Variants in EYS observed in about 807,000 individuals in gnomAD.
EYS encodes EGF-like photoreceptor maintenance factor.
EYS carries 250 observed loss-of-function variants against 282.1 expected under a neutral mutation model. That is an observed-to-expected ratio of 0.89 (90% CI 0.80 to 0.98). The LOEUF (loss-of-function observed/expected upper bound fraction) is 0.98, where lower values mean the gene tolerates loss of function less well. Among genes scored for constraint, EYS ranks in the 50% least tolerant of loss-of-function variants. The pLI, the probability that EYS is intolerant of heterozygous loss-of-function variation, is 0.00. For synonymous variants in EYS, 1,355 were observed against 1,282.9 expected, an observed-to-expected ratio of 1.06 and a Z score of -1.20; for missense variants, 4,016 against 3,709.0, an observed-to-expected ratio of 1.08 and a Z score of -2.15.
chr6:64,371,883 C>T (rs116130948), intron 29 of EYS, among the ~76,000 whole-genome samples: 5 of 152,022 alleles, frequency 3.3e-5, no homozygotes, highest in Non-Finnish European at 5.9e-5. Context: ...TTCTCCATCC[C>T]TTTTATTTCA....
intron 31 of EYS, among the ~76,000 whole-genome samples, chr6:64,110,426 C>A (rs1773168681): frequency 6.6e-6 from 1 of 151,648 alleles, no homozygotes; most frequent in South Asian, 2.1e-4. Flanking sequence ...TGGTGGATGA[C>A]TCTGTGTGTG....
chr6:65,365,951 A>C lies in EYS; in HGVS notation c.1300-12334T>G, dbSNP rs114812666. On this transcript the variant is annotated intron_variant, in intron 8 of 42. Coordinates refer to ENST00000503581, the MANE Select transcript of EYS (RefSeq NM_001142800.2). ...GTACAAGGTGAAAACATGACTTTGC[A>C]ATTGTTATAGATAACATAAGAATCA... 4.5e-3 allele frequency among the ~76,000 whole-genome samples: 683 copies of C among 151,838 alleles called. 5 individuals are homozygous for C. The highest frequency in any genetic ancestry group is 0.01 in the South Asian group (49 of 4,820).
At chr6:64,952,974 T>C (rs1769564446) in intron 14 of EYS, among the ~76,000 whole-genome samples, 1 of 151,950 alleles carries the variant, frequency 6.6e-6, no homozygotes, top group Admixed American at 6.6e-5. Context: ...TCATTGGTAC[T>C]AATATAGTCA....
chr6:64,702,480 C>G (rs943567841), intron 22 of EYS, among the ~76,000 whole-genome samples: 2 of 151,906 alleles, frequency 1.3e-5, no homozygotes, highest in Non-Finnish European at 2.9e-5. Context: ...CATAAATTGA[C>G]AAATTTATGT....
chr6:65,102,325 A>G (rs1030233748), intron 12 of EYS, among the ~76,000 whole-genome samples: 5 of 151,384 alleles, frequency 3.3e-5, no homozygotes, highest in African/African-American at 7.3e-5. Context: ...ACTCATTTTT[A>G]ACACAGCATT....
At chr6:64,757,977 T>G (rs1408353398) in intron 22 of EYS, among the ~76,000 whole-genome samples, 2 of 152,102 alleles carry the variant, frequency 1.3e-5, no homozygotes, top group Non-Finnish European at 2.9e-5. Flanking sequence ...GGTTTCACCG[T>G]GTTAGTCAGG....
chr6:65,105,380 T>C (rs772911923), intron 12 of EYS, among the ~76,000 whole-genome samples: 1 of 151,732 alleles, frequency 6.6e-6, no homozygotes, highest in Non-Finnish European at 1.5e-5. Flanking sequence ...CAATCTATAA[T>C]CATAATGTAG....
intron 12 of EYS, among the ~76,000 whole-genome samples, chr6:65,269,828 G>A (rs1229713434): frequency 6.6e-6 from 1 of 152,018 alleles, no homozygotes; most frequent in African/African-American, 2.4e-5. Flanking sequence ...TAATCATGAG[G>A]GTGGAGTCTT....
At chr6:64,502,382 C>G (rs778424644) in intron 26 of EYS, among the ~76,000 whole-genome samples, 3 of 151,890 alleles carry the variant, frequency 2.0e-5, no homozygotes, top group African/African-American at 7.3e-5. Context: ...CTAGGACTCC[C>G]GGCTAATTTT....
chr6:64,558,233 G>A (rs2149809940), intron 26 of EYS, among the ~76,000 whole-genome samples: 1 of 151,658 alleles, frequency 6.6e-6, no homozygotes, highest in South Asian at 2.1e-4. Context: ...TTTTAATCAT[G>A]AGCATTCTGC....
rs1053087122 is a variant in EYS at position 65,315,483 on chromosome 6, C to A, written c.1767-19364G>T. On this transcript the variant is annotated intron_variant, in intron 11 of 42. Transcript: ENST00000503581. ...TCCTCCCCAATGTAACTGTTACGCT[C>A]ATTCTAACACTGGAGTTCAGTTGTG... Among the ~76,000 whole-genome samples, 63 of 152,134 alleles carry A rather than the reference C, an allele frequency of 4.1e-4. 1 individual carries two copies. The highest frequency in any genetic ancestry group is 1.4e-3 in the African/African-American group (58 of 41,404).
intron 1 of EYS, among the ~76,000 whole-genome samples, chr6:65,690,737 C>A (rs1449854753): frequency 6.7e-6 from 1 of 150,090 alleles, no homozygotes; most frequent in Non-Finnish European, 1.5e-5. Flanking sequence ...TCTAGCCCCC[C>A]AGCCCACAAC....
At chr6:64,573,084 C>G (rs1234503857) in intron 26 of EYS, among the ~76,000 whole-genome samples, 2 of 152,014 alleles carry the variant, frequency 1.3e-5, no homozygotes, top group Non-Finnish European at 2.9e-5. Flanking sequence ...ACATACAGAC[C>G]AATGGAACAG....
chr6:65,219,218 T>C (rs1766396423), intron 12 of EYS, among the ~76,000 whole-genome samples: 1 of 152,196 alleles, frequency 6.6e-6, no homozygotes, highest in South Asian at 2.1e-4. Flanking sequence ...CACACATACA[T>C]ATATTTGGAT....
At chr6:64,905,586 A>G (rs1767802280) in intron 16 of EYS, among the ~76,000 whole-genome samples, 1 of 152,180 alleles carries the variant, frequency 6.6e-6, no homozygotes, top group Non-Finnish European at 1.5e-5. Flanking sequence ...CGTTCCTCCA[A>G]AATACACAAA....
At chr6:63,825,583 A>G (rs1771438645) in intron 36 of EYS, among the ~76,000 whole-genome samples, 1 of 152,176 alleles carries the variant, frequency 6.6e-6, no homozygotes, top group Non-Finnish European at 1.5e-5. Context: ...TATGCCGACA[A>G]TGGCCAGTAT....
chr6:64,302,933 C>T (rs1769285922), intron 30 of EYS, among the ~76,000 whole-genome samples: 1 of 151,934 alleles, frequency 6.6e-6, no homozygotes, highest in Admixed American at 6.6e-5. Context: ...CTTTGAATTC[C>T]AGCACGATGC....
chr6:65,108,393 G>A (rs539213047), intron 12 of EYS, among the ~76,000 whole-genome samples: 30 of 152,212 alleles, frequency 2.0e-4, no homozygotes, highest in African/African-American at 6.5e-4. Flanking sequence ...GACCTCTTGG[G>A]TTCAGGTGAG....
chr6:64,870,361 G>A (rs1011731227), intron 19 of EYS, among the ~76,000 whole-genome samples: 1 of 150,600 alleles, frequency 6.6e-6, no homozygotes, highest in Admixed American at 6.7e-5. Context: ...CCTTGATACA[G>A]AGTCAGCTTA....
Sources: allele counts gnomAD v4.1 joint callset (sites outside exome capture counted in the v4.1 genomes callset), GRCh38; gene constraint gnomAD v4.1.1; transcripts MANE v1.5; gene names NCBI Gene and HGNC (gene_info 2026-07-23, HGNC 2026-07-21).